The following KCNH8 variants were observed in gnomAD, a reference collection of about 807,000 sequenced individuals.
KCNH8 encodes potassium voltage-gated channel subfamily H member 8.
A neutral mutation model predicts 103.6 loss-of-function variants in KCNH8; 70 were observed. That is an observed-to-expected ratio of 0.68 (90% CI 0.56 to 0.82). KCNH8 has a LOEUF of 0.82. Ranked by LOEUF, KCNH8 falls within the 40% of genes least tolerant of loss-of-function variation. The pLI is 0.00. For synonymous variants in KCNH8, 498 were observed against 489.4 expected (o/e 1.02, Z -0.23); for missense variants, 1,217 against 1,329.9 (o/e 0.92, Z 1.32).
chr3:19,271,597 A>C (rs78640266), intron 2 of KCNH8, among the ~76,000 whole-genome samples: 2,226 of 152,280 alleles, frequency 0.015, 53 homozygotes, highest in African/African-American at 0.051. Flanking sequence ...TATACAGGTA[A>C]AGCCCTTACT....
chr3:19,192,543 C>T lies in KCNH8; in HGVS notation c.76+43748C>T, dbSNP rs537757849. 2.0e-5 allele frequency among the ~76,000 whole-genome samples: 3 copies of T among 151,752 alleles called. No homozygotes were observed. In the South Asian group the frequency reaches 6.2e-4, roughly 31 times the overall value. ...TCTGCTTTATATCTTCCAGGAAATT[C>T]ACAGTTGTCCCATATTACCAGTGCT... On this transcript the variant is annotated intron_variant, in intron 1 of 15. Transcript: ENST00000328405.
At chr3:19,497,890 T>A (rs1442817922) in intron 11 of KCNH8, among the ~76,000 whole-genome samples, 1 of 152,144 alleles carries the variant, frequency 6.6e-6, no homozygotes, top group Admixed American at 6.5e-5. Flanking sequence ...TGTGTAGGTC[T>A]CCAAAAACTT....
intron 10 of KCNH8, among the ~76,000 whole-genome samples, chr3:19,454,429 A>G (rs2067500211): frequency 6.6e-6 from 1 of 152,122 alleles, no homozygotes; most frequent in Non-Finnish European, 1.5e-5. Flanking sequence ...GAGGGCATCT[A>G]GACTTTCTCT....
At chr3:19,483,765 C>T (rs980988547) in intron 11 of KCNH8, among the ~76,000 whole-genome samples, 1 of 152,104 alleles carries the variant, frequency 6.6e-6, no homozygotes, top group African/African-American at 2.4e-5. Flanking sequence ...CTGGCCCCAT[C>T]GATTCCTAAG....
At chr3:19,308,696 CTCTCTCTCTCTCTCT>C (rs1559470040) in intron 3 of KCNH8, among the ~76,000 whole-genome samples, 4 of 73,664 alleles carry the variant, frequency 5.4e-5, no homozygotes, top group Non-Finnish European at 1.0e-4. Flanking sequence ...CTCTCTCTCT[CTCTCTCTCTCTCTCT>C]CTCTCTCCCC....
intron 1 of KCNH8, 140 bp from the exon 2 acceptor site, chr3:19,253,514 T>A: frequency 1.5e-6 from 1 of 670,506 alleles, no homozygotes; most frequent in Non-Finnish European, 2.6e-6. Context: ...TGTTTTGGAG[T>A]GTCTCTTTTC....
intron 3 of KCNH8, among the ~76,000 whole-genome samples, chr3:19,292,018 G>A (rs1291778070): frequency 6.6e-6 from 1 of 152,184 alleles, no homozygotes; most frequent in African/African-American, 2.4e-5. Context: ...GCACTCAGTT[G>A]CATTTGTGTC....
At chr3:19,264,773 T>G (rs895665982) in intron 2 of KCNH8, among the ~76,000 whole-genome samples, 13 of 152,244 alleles carry the variant, frequency 8.5e-5, no homozygotes, top group African/African-American at 3.1e-4. Context: ...TTTGCCTGTG[T>G]TGTTGCTTCA....
chr3:19,520,245 A>G (rs572001656), intron 15 of KCNH8, among the ~76,000 whole-genome samples: 2 of 151,982 alleles, frequency 1.3e-5, no homozygotes, highest in African/African-American at 4.8e-5. Flanking sequence ...CCGAGATGAC[A>G]CACATCTTTT....
At chr3:19,399,271 T>A (rs1165821592) in intron 7 of KCNH8, among the ~76,000 whole-genome samples, 1 of 151,742 alleles carries the variant, frequency 6.6e-6, no homozygotes, top group Non-Finnish European at 1.5e-5. Context: ...TTGCAGGGAG[T>A]GGAGGATGCT....
intron 5 of KCNH8, among the ~76,000 whole-genome samples, chr3:19,369,725 G>A (rs2066061829): frequency 6.6e-6 from 1 of 151,814 alleles, no homozygotes. Context: ...GAATGATCTA[G>A]TAAGTCATAA....
chr3:19,317,796 C>T (rs756280049), intron 3 of KCNH8, among the ~76,000 whole-genome samples: 1 of 151,782 alleles, frequency 6.6e-6, no homozygotes, highest in Non-Finnish European at 1.5e-5. Context: ...TAAAAACTCT[C>T]AATAAACTAG....
intron 11 of KCNH8, among the ~76,000 whole-genome samples, chr3:19,499,439 A>G (rs1026694692): frequency 5.3e-5 from 8 of 152,306 alleles, no homozygotes; most frequent in Non-Finnish European, 8.8e-5. Flanking sequence ...AATACAGAGA[A>G]CACCACAAAG....
rs538064557 is a variant in KCNH8, at chr3:19,477,874, G to C, written c.2040+20892G>C. Among the ~76,000 whole-genome samples the C allele has an allele frequency of 1.8e-4, 28 of 152,128 alleles. 1 individual carries two copies. The South Asian group carries it at 5.0e-3, about 27-fold the overall frequency. On this transcript the variant is annotated intron_variant, in intron 11 of 15. Transcript: ENST00000328405. ...TGGGCTATTCGTGTAGCCATCACCT[G>C]AACAGTGAACATTGTACTCAATAAG...
intron 5 of KCNH8, among the ~76,000 whole-genome samples, chr3:19,354,699 T>C (rs2065854278): frequency 6.6e-6 from 1 of 152,118 alleles, no homozygotes; most frequent in Non-Finnish European, 1.5e-5. Context: ...TGAAACTGGA[T>C]CCCTTCCTTA....
intron 5 of KCNH8, among the ~76,000 whole-genome samples, chr3:19,368,977 A>G (rs1364407297): frequency 1.3e-5 from 2 of 151,964 alleles, no homozygotes; most frequent in East Asian, 3.9e-4. Flanking sequence ...TCTATCTCTT[A>G]ATATTTGTAA....
At chr3:19,256,441 C>T (rs1197261601) in intron 2 of KCNH8, among the ~76,000 whole-genome samples, 7 of 151,874 alleles carry the variant, frequency 4.6e-5, no homozygotes, top group Non-Finnish European at 8.8e-5. Flanking sequence ...TGAAAGGAGG[C>T]CTGAGATAAA....
chr3:19,475,367 G>A (rs978873554), intron 11 of KCNH8, among the ~76,000 whole-genome samples: 5 of 152,090 alleles, frequency 3.3e-5, no homozygotes, highest in Admixed American at 6.6e-5. Flanking sequence ...CACTGTTCAC[G>A]TTTTTACAAA....
intron 3 of KCNH8, among the ~76,000 whole-genome samples, chr3:19,342,362 T>A (rs1009516146): frequency 1.3e-5 from 2 of 152,118 alleles, no homozygotes; most frequent in African/African-American, 4.8e-5. Context: ...TCTGTGTTCA[T>A]GTACGTTTTA....
Sources: gnomAD v4.1 joint callset for allele counts (sites outside exome capture counted in the v4.1 genomes callset) on GRCh38, gnomAD v4.1.1 for gene constraint, MANE v1.5 for transcripts, NCBI Gene and HGNC (gene_info 2026-07-23, HGNC 2026-07-21) for gene names.